Variants in HLTF observed in about 807,000 individuals in gnomAD.
HLTF encodes the protein helicase like transcription factor.
In HLTF, 127 loss-of-function variants were observed where a neutral mutation model predicts 129.4. That is an observed-to-expected ratio of 0.98 (90% CI 0.85 to 1.14). HLTF has a LOEUF of 1.14. Ranked by LOEUF, HLTF falls within the 50% of genes most tolerant of loss-of-function variation. HLTF has a pLI of 0.00. For missense variants in HLTF, 1,139 were observed against 1,187.1 expected, an observed-to-expected ratio of 0.96 and a Z score of 0.60; for synonymous variants, 332 against 388.8, an observed-to-expected ratio of 0.85 and a Z score of 1.72.
intron 18 of HLTF, among the ~76,000 whole-genome samples, chr3:149,042,640 T>C (rs535457143): frequency 2.0e-4 from 31 of 152,152 alleles, no homozygotes; most frequent in South Asian, 1.7e-3. Flanking sequence ...GGGTGCATGC[T>C]TGGTGACTTG....
intron 23 of HLTF, 25 bp downstream of exon 23, chr3:149,039,024 T>C: frequency 1.4e-6 from 2 of 1,411,444 alleles, no homozygotes; most frequent in Non-Finnish European, 1.9e-6. Flanking sequence ...ACTAAGATTC[T>C]GAAAAAATTT....
At chr3:149,034,185 T>C (rs952718323) in intron 24 of HLTF, among the ~76,000 whole-genome samples, 11 of 152,170 alleles carry the variant, frequency 7.2e-5, no homozygotes, top group Admixed American at 4.6e-4. Context: ...ATAAATCCTA[T>C]TTTGAAACCA....
intron 2 of HLTF, among the ~76,000 whole-genome samples, chr3:149,084,016 T>C (rs138770187): frequency 8.9e-4 from 135 of 152,240 alleles, no homozygotes; most frequent in African/African-American, 3.1e-3. Flanking sequence ...GAGATTTTAT[T>C]ACAAAGATTT....
At position 149,053,446 on chromosome 3, in the gene HLTF, C is replaced by T. The variant is rs1717165219; in HGVS notation, c.1473+1857G>A. Among the ~76,000 whole-genome samples the T allele has an allele frequency of 2.0e-5, 3 of 152,156 alleles. No homozygotes were observed. The South Asian group carries it at 6.2e-4, about 32-fold the overall frequency. On this transcript the variant is annotated intron_variant, in intron 14 of 24. Transcript: ENST00000310053. The stretch of plus-strand genomic sequence containing the variant: ...ACTCTGGCAATGTGATGCTGGGTCC[C>T]CATCACCTTCTGCCAAGAGTGTAAG...
chr3:149,084,657 T>C, intron 2 of HLTF, 25 bp downstream of exon 2: 1 of 1,504,660 alleles, frequency 6.6e-7, no homozygotes, highest in South Asian at 1.2e-5. Context: ...ATAATCAAAA[T>C]TTAATTATCT....
At position 149,044,862 on chromosome 3, in the gene HLTF, T is replaced by A. The variant is rs150218957; in HGVS notation, c.2072+1218A>T. ...GAATCTAATCATTTCTCACTCCCTT[T>A]ATCACTACTATGGTAAAAACCACCA... On this transcript the variant is annotated intron_variant, in intron 18 of 24. Coordinates refer to ENST00000310053, the MANE Select transcript of HLTF (RefSeq NM_003071.4). Among the ~76,000 whole-genome samples, 114 of 152,222 alleles carry A rather than the reference T, an allele frequency of 7.5e-4. No individual in the cohort carries two copies. The East Asian group carries it at 0.02, about 26-fold the overall frequency.
rs1719313024 is a variant in HLTF at position 149,075,957 on chromosome 3, G to C, written c.319C>G (p.Gln107Glu). 1 of 1,589,826 alleles carries C rather than the reference G, an allele frequency of 6.3e-7. No homozygotes were observed. The highest frequency in any genetic ancestry group is 1.3e-5 in the African/African-American group (1 of 74,362). ...AGCTCTTTCTTTAAATGGCCAACTT[G>C]ATTTCCATTCACATTGTTTACTTTA... ...AIKVNNVNGNQVGHLKKELAG... is the reference protein window; with the variant it reads ...AIKVNNVNGNEVGHLKKELAG... The change falls in exon 3 of 25, where the codon CAA (glutamine) becomes GAA (glutamate). Residue 107 changes from glutamine (Q) to glutamate (E), a missense_variant. Gln to Glu is a conservative substitution (Grantham distance 29). Coordinates refer to ENST00000310053, the MANE Select transcript of HLTF (RefSeq NM_003071.4).
intron 18 of HLTF, among the ~76,000 whole-genome samples, chr3:149,043,466 G>C (rs1313902693): frequency 4.2e-5 from 6 of 144,052 alleles, no homozygotes; most frequent in Admixed American, 1.4e-4. Flanking sequence ...GAGAAGGGGG[G>C]AAAAGCCTGG....
At chr3:149,054,623 C>A (rs1386807615) in intron 14 of HLTF, among the ~76,000 whole-genome samples, 1 of 152,030 alleles carries the variant, frequency 6.6e-6, no homozygotes, top group Admixed American at 6.6e-5. Flanking sequence ...CATATCCAGG[C>A]TGCAAATAAA....
rs192315744 is a variant in HLTF, at chr3:149,052,973, C to T, written c.1473+2330G>A. On this transcript the variant is annotated intron_variant, in intron 14 of 24. Transcript: ENST00000310053. ...TATGTATCATCCTCTCAATAGAAAA[C>T]GAAATAGGTGTTATTTCATGAGATT... Among the ~76,000 whole-genome samples the T allele has an allele frequency of 3.4e-4, 51 of 152,196 alleles. No homozygotes were observed. In the East Asian group the frequency reaches 8.9e-3, roughly 26 times the overall value.
At chr3:149,036,574 C>T (rs1267502555) in intron 23 of HLTF, among the ~76,000 whole-genome samples, 3 of 151,998 alleles carry the variant, frequency 2.0e-5, no homozygotes, top group African/African-American at 7.2e-5. Flanking sequence ...CAGGCATGAG[C>T]CTCCGCGCCA....
intron 2 of HLTF, among the ~76,000 whole-genome samples, chr3:149,083,240 A>G (rs1217805732): frequency 6.6e-6 from 1 of 152,138 alleles, no homozygotes; most frequent in African/African-American, 2.4e-5. Context: ...AATGCAAGCA[A>G]GACTCCGTTT....
intron 8 of HLTF, among the ~76,000 whole-genome samples, chr3:149,066,203 C>T (rs1718369127): frequency 6.6e-6 from 1 of 151,892 alleles, no homozygotes; most frequent in South Asian, 2.1e-4. Context: ...TGCGCCACCA[C>T]ACCCAGCTAA....
Position 149,048,065 on chromosome 3 carries a change from G to A in HLTF, c.1855C>T (p.Gln619Ter), listed in dbSNP as rs1402505250. ...TCATCTCCCATTGTGACAGGACGCT[G>A]TATTGTTCTATGCCACCATTCTCTA... ...IDREWWHRTI[Q>*]RPVTMGDEGG... The change falls in exon 17 of 25, where the codon CAG (glutamine) becomes TAG (stop). Residue 619 changes from glutamine to a stop codon, truncating the protein, a stop_gained. Coordinates refer to ENST00000310053, the MANE Select transcript of HLTF (RefSeq NM_003071.4). LOFTEE classifies it high-confidence loss of function. 6.2e-7 allele frequency: 1 copy of A among 1,612,420 alleles called. No individual in the cohort carries two copies. The highest frequency in any genetic ancestry group is 1.1e-5 in the South Asian group (1 of 90,804).
intron 3 of HLTF, among the ~76,000 whole-genome samples, chr3:149,075,050 A>C (rs1719228120): frequency 6.6e-6 from 1 of 152,148 alleles, no homozygotes; most frequent in Non-Finnish European, 1.5e-5. Flanking sequence ...GGAAGTGACA[A>C]CTCATCCTGC....
chr3:149,061,735 C>G (rs1024718569), intron 10 of HLTF, among the ~76,000 whole-genome samples: 21 of 151,052 alleles, frequency 1.4e-4, no homozygotes, highest in African/African-American at 5.1e-4. Flanking sequence ...GCTCAGGAGG[C>G]TGAGGCAGGA....
At chr3:149,059,363 C>T in intron 13 of HLTF, 1 of 404,494 alleles carries the variant, frequency 2.5e-6, no homozygotes, top group Non-Finnish European at 4.8e-6. Flanking sequence ...AAATGAAAAG[C>T]AAATTCTAAT....
chr3:149,055,661 T>C (rs760767730), intron 13 of HLTF, among the ~76,000 whole-genome samples: 11 of 152,182 alleles, frequency 7.2e-5, no homozygotes, highest in East Asian at 1.9e-4. Flanking sequence ...CTGATAGTCA[T>C]AGTCATTCAT....
chr3:149,069,587 T>C (rs1373364857), intron 7 of HLTF, among the ~76,000 whole-genome samples: 2 of 152,182 alleles, frequency 1.3e-5, no homozygotes, highest in African/African-American at 2.4e-5. Flanking sequence ...AAATGGAAAC[T>C]ACATATTAAC....
Sources: gnomAD v4.1 joint callset for allele counts (sites outside exome capture counted in the v4.1 genomes callset) on GRCh38, gnomAD v4.1.1 for gene constraint, MANE v1.5 for transcripts, NCBI Gene and HGNC (gene_info 2026-07-23, HGNC 2026-07-21) for gene names.